The following STAG1 variants were observed in gnomAD, a reference collection of about 807,000 sequenced individuals.
The protein encoded by STAG1 is cohesin subunit SA-1.
STAG1 carries 26 observed loss-of-function variants against 170.9 expected under a neutral mutation model. The observed-to-expected ratio is 0.15, with a 90% confidence interval of 0.11 to 0.21. The LOEUF (loss-of-function observed/expected upper bound fraction) is 0.21. Among genes scored for constraint, STAG1 ranks in the 10% least tolerant of loss-of-function variants. The pLI is 1.00. For synonymous variants in STAG1, 514 were observed against 497.7 expected (o/e 1.03, Z -0.44); for missense variants, 964 against 1,509.5 (o/e 0.64, Z 5.99).
chr3:136,720,577 G>A (rs963539540), intron 1 of STAG1, among the ~76,000 whole-genome samples: 2 of 152,100 alleles, frequency 1.3e-5, no homozygotes, highest in African/African-American at 4.8e-5. Context: ...ATCACCTGAG[G>A]TCAGGAGTTC....
intron 12 of STAG1, among the ~76,000 whole-genome samples, chr3:136,470,545 A>C (rs953756244): frequency 2.0e-5 from 3 of 152,326 alleles, no homozygotes; most frequent in African/African-American, 7.2e-5. Context: ...GTAGGACTGT[A>C]AACTAGTTCA....
intron 1 of STAG1, among the ~76,000 whole-genome samples, chr3:136,676,632 TG>T (rs1197018595): frequency 1.3e-5 from 2 of 152,118 alleles, no homozygotes; most frequent in Admixed American, 6.6e-5. Context: ...TTTGTATTTG[TG>T]GAGATAGGGT....
At chr3:136,695,162 G>C (rs1942846873) in intron 1 of STAG1, among the ~76,000 whole-genome samples, 1 of 152,100 alleles carries the variant, frequency 6.6e-6, no homozygotes, top group African/African-American at 2.4e-5. Flanking sequence ...ACCCAATGAA[G>C]GCCACTGTAA....
At chr3:136,597,655 A>C (rs987216328) in intron 4 of STAG1, among the ~76,000 whole-genome samples, 1 of 152,150 alleles carries the variant, frequency 6.6e-6, no homozygotes, top group African/African-American at 2.4e-5. Flanking sequence ...GATTTTTTAA[A>C]CTTTCTATCC....
chr3:136,639,562 A>G (rs1940713434), intron 1 of STAG1, among the ~76,000 whole-genome samples: 3 of 152,238 alleles, frequency 2.0e-5, no homozygotes, highest in African/African-American at 7.2e-5. Context: ...GAACAATAAA[A>G]ATATTCCAAA....
chr3:136,736,503 T>G (rs1351479799), intron 1 of STAG1: 3 of 1,390,620 alleles, frequency 2.2e-6, no homozygotes, highest in African/African-American at 2.8e-5. Context: ...TCATTCACGC[T>G]GCTCCATTTT....
At chr3:136,608,391 G>A (rs1032091006) in intron 3 of STAG1, among the ~76,000 whole-genome samples, 2 of 150,068 alleles carry the variant, frequency 1.3e-5, no homozygotes, top group Admixed American at 1.3e-4. Flanking sequence ...AGTTAGCTAG[G>A]GTAGTAATGT....
intron 1 of STAG1, among the ~76,000 whole-genome samples, chr3:136,708,554 A>C (rs2107916001): frequency 6.6e-6 from 1 of 152,290 alleles, no homozygotes; most frequent in East Asian, 1.9e-4. Flanking sequence ...TGATTGCACA[A>C]CAACACAATT....
At chr3:136,626,024 G>T (rs1377883855) in intron 2 of STAG1, among the ~76,000 whole-genome samples, 1 of 152,066 alleles carries the variant, frequency 6.6e-6, no homozygotes, top group Non-Finnish European at 1.5e-5. Context: ...CTGCACTCCA[G>T]CCTGGGCGAA....
chr3:136,586,894 T>TC (rs1937857610), intron 4 of STAG1: 1 of 456,472 alleles, frequency 2.2e-6, no homozygotes, highest in South Asian at 1.5e-5. Flanking sequence ...TCTCTCCCCT[T>TC]CCAACCAAGT....
At chr3:136,395,374 A>G (rs1299479899) in intron 22 of STAG1, among the ~76,000 whole-genome samples, 1 of 152,040 alleles carries the variant, frequency 6.6e-6, no homozygotes, top group African/African-American at 2.4e-5. Flanking sequence ...TGTAATCCCA[A>G]TACTTTGGGA....
At chr3:136,573,928 G>A (rs891956574) in intron 4 of STAG1, among the ~76,000 whole-genome samples, 28 of 152,074 alleles carry the variant, frequency 1.8e-4, no homozygotes, top group African/African-American at 4.8e-4. Context: ...CGGAGATCGC[G>A]CCACTGCACT....
intron 22 of STAG1, among the ~76,000 whole-genome samples, chr3:136,381,037 GAA>G: frequency 9.5e-6 from 1 of 105,032 alleles, no homozygotes; most frequent in Admixed American, 9.3e-5. Context: ...AAAAAAAAAA[GAA>G]AAAAAAAAAA....
At chr3:136,653,167 G>A (rs539088072) in intron 1 of STAG1, among the ~76,000 whole-genome samples, 61 of 152,146 alleles carry the variant, frequency 4.0e-4, no homozygotes, top group African/African-American at 1.4e-3. Context: ...AGCTACTCGG[G>A]AGGCTGAGGC....
intron 4 of STAG1, among the ~76,000 whole-genome samples, chr3:136,598,955 T>A (rs1208501743): frequency 6.6e-6 from 1 of 152,178 alleles, no homozygotes; most frequent in African/African-American, 2.4e-5. Flanking sequence ...GAGAACAAAC[T>A]TTGGATCAAA....
At chr3:136,551,198 T>TGAGAGAGAGAGAGAGG (rs200132855) in intron 5 of STAG1, among the ~76,000 whole-genome samples, 1 of 43,156 alleles carries the variant, frequency 2.3e-5, no homozygotes, top group Non-Finnish European at 4.1e-5. Flanking sequence ...AGAGAGAGGT[T>TGAGAGAGAGAGAGAGG]GAGAGAGAGT....
chr3:136,382,157 T>TTG (rs932447630), intron 22 of STAG1, among the ~76,000 whole-genome samples: 25 of 152,194 alleles, frequency 1.6e-4, no homozygotes, highest in African/African-American at 6.0e-4. Context: ...GTTCCTTTAC[T>TTG]CCCTCAGATT....
At chr3:136,366,186 T>C (rs1196776601) in intron 25 of STAG1, among the ~76,000 whole-genome samples, 2 of 152,112 alleles carry the variant, frequency 1.3e-5, no homozygotes, top group Non-Finnish European at 2.9e-5. Flanking sequence ...GTGTGTGACC[T>C]TGAAAGGTTT....
intron 3 of STAG1, among the ~76,000 whole-genome samples, chr3:136,611,333 G>C (rs1278947406): frequency 6.6e-6 from 1 of 152,034 alleles, no homozygotes; most frequent in South Asian, 2.1e-4. Context: ...GTTTTTAGTA[G>C]AGATGAGGTT....
Sources: allele counts gnomAD v4.1 joint callset (sites outside exome capture counted in the v4.1 genomes callset), GRCh38; gene constraint gnomAD v4.1.1; transcripts MANE v1.5; gene names NCBI Gene and HGNC (gene_info 2026-07-23, HGNC 2026-07-21).